NT5C1A: variants seen among roughly 807,000 people sequenced by gnomAD.
The protein encoded by NT5C1A is 5'-nucleotidase, cytosolic IA.
Under a neutral mutation model 31.0 loss-of-function variants are expected in NT5C1A, and 18 were observed. The observed-to-expected ratio is 0.58, with a 90% CI of 0.40 to 0.86. The LOEUF is 0.86. Ranked by LOEUF, NT5C1A falls within the 40% of genes least tolerant of loss-of-function variation. The probability of loss-of-function intolerance (pLI) is 0.00; values close to 1 mark genes in which losing one functional copy is unlikely to be tolerated. For missense variants in NT5C1A, 470 were observed against 505.4 expected (o/e 0.93, Z 0.67); for synonymous variants, 185 against 203.6 (o/e 0.91, Z 0.78).
intron 3 of NT5C1A, among the ~76,000 whole-genome samples, chr1:39,664,192 C>T (rs144218271): frequency 0.03 from 4,590 of 151,346 alleles, 172 homozygotes; most frequent in East Asian, 0.15. Context: ...CTTGCTCTGT[C>T]GCCCAGGCTG....
intron 4 of NT5C1A, 82 bp downstream of exon 4, chr1:39,663,230 C>G: frequency 6.5e-7 from 1 of 1,548,782 alleles, no homozygotes. Context: ...CCAGCACCTG[C>G]TCGGAACTTC....
Position 39,663,366 on chromosome 1 carries a change from T to C in NT5C1A, c.502A>G (p.Thr168Ala). ...GCATCGGCTGACAAGTAGAGGTTGG[T>C]GTGATAGGCCTTGAGGTAGCAGATC... ...SPICYLKAYHTNLYLSADAEK... is the reference protein window; with the variant it reads ...SPICYLKAYHANLYLSADAEK... The change falls in exon 4 of 6, where the codon ACC (threonine) becomes GCC (alanine). Residue 168 changes from threonine to alanine, a missense_variant. Transcript: ENST00000235628. The C allele has an allele frequency of 6.2e-7, 1 of 1,614,076 alleles. No homozygotes were observed.
At chr1:39,669,391 G>C (rs879370761) in intron 1 of NT5C1A, among the ~76,000 whole-genome samples, 3 of 152,206 alleles carry the variant, frequency 2.0e-5, no homozygotes, top group Admixed American at 2.0e-4. Context: ...AGAGGGACAG[G>C]AGAGTTTTGG....
At position 39,653,396 on chromosome 1, in the gene NT5C1A, T is replaced by C. The variant is rs1479345280; in HGVS notation, c.*5725A>G. Among the ~76,000 whole-genome samples the C allele has an allele frequency of 2.6e-5, 4 of 151,446 alleles. No individual in the cohort carries two copies. Among genetic ancestry groups the C allele is most frequent in the East Asian group, 3.9e-4 (2 of 5,162 alleles). ...AGTGAGTACACACACACACACAGAG[T>C]CATTGGCTGAGATATCTGGCCCATT... On this transcript the variant is annotated 3_prime_UTR_variant, in exon 6 of 6. Transcript: ENST00000235628.
At chr1:39,670,344 C>A (rs1180162720) in intron 1 of NT5C1A, among the ~76,000 whole-genome samples, 3 of 152,214 alleles carry the variant, frequency 2.0e-5, no homozygotes, top group East Asian at 3.8e-4. Context: ...AAAGGCCTTA[C>A]AATCTCAAGA....
At chr1:39,663,973 C>T (rs948625250) in intron 3 of NT5C1A, among the ~76,000 whole-genome samples, 6 of 152,144 alleles carry the variant, frequency 3.9e-5, no homozygotes, top group African/African-American at 1.4e-4. Context: ...TGCTTCAGCA[C>T]TATAGGGAGA....
intron 1 of NT5C1A, among the ~76,000 whole-genome samples, chr1:39,668,523 G>A (rs543659479): frequency 5.0e-4 from 76 of 152,254 alleles, no homozygotes; most frequent in African/African-American, 1.8e-3. Flanking sequence ...TTTTCCAGAT[G>A]GGGAAACAGG....
chr1:39,656,986 A>G lies in NT5C1A; in HGVS notation c.*2135T>C, dbSNP rs76446953. 3.4e-3 allele frequency among the ~76,000 whole-genome samples: 521 copies of G among 152,318 alleles called. 2 individuals carry two copies. The highest frequency in any genetic ancestry group is 0.012 in the African/African-American group (496 of 41,554). Reference sequence around the variant, plus strand: ...TAGGCTTGGAGCTCTGGAAGTAGACACAACCCGGGTCTTCTGCCCCAAGGC... The same window carrying G: ...TAGGCTTGGAGCTCTGGAAGTAGACGCAACCCGGGTCTTCTGCCCCAAGGC... On this transcript the variant is annotated 3_prime_UTR_variant, in exon 6 of 6. Coordinates refer to ENST00000235628, the MANE Select transcript of NT5C1A (RefSeq NM_032526.3).
In NT5C1A at chr1:39,653,886, G is replaced by A. The variant is rs1005204366; in HGVS notation, c.*5235C>T. Among the ~76,000 whole-genome samples, 4 of 152,144 alleles carry A rather than the reference G, an allele frequency of 2.6e-5. No homozygotes were observed. Among genetic ancestry groups the A allele is most frequent in the Non-Finnish European group, 5.9e-5 (4 of 68,034 alleles). ...ATATCCTCAGAGGATGAACATTCTG[G>A]GCCTTGCATGCCTCTTGGATAGCAA... On this transcript the variant is annotated 3_prime_UTR_variant, in exon 6 of 6. Transcript: ENST00000235628.
chr1:39,659,441 T>A lies in NT5C1A; in HGVS notation c.787A>T (p.Lys263Ter), dbSNP rs757943483. The A allele has an allele frequency of 1.0e-5, 16 of 1,605,562 alleles. No individual in the cohort carries two copies. The highest frequency in any genetic ancestry group is 1.4e-5 in the Non-Finnish European group (16 of 1,174,726). ...FLEALGRLQKKFYSKGLRLEC... is the reference protein window; with the variant it reads ...FLEALGRLQK ...AGCCGCAGGCCTTTGGAGTAGAACT[T>A]CTTCTGCAACCTACCCAGTGCCTCC... is the stretch of plus-strand genomic sequence containing the variant. Residue 263 changes from lysine to a stop codon, truncating the protein, a stop_gained, in exon 6 of 6, where the codon AAG becomes TAG. Coordinates refer to ENST00000235628, the MANE Select transcript of NT5C1A (RefSeq NM_032526.3). LOFTEE classifies it high-confidence loss of function.
At position 39,653,969 on chromosome 1, in the gene NT5C1A, C is replaced by T. The variant is rs970884703; in HGVS notation, c.*5152G>A. On this transcript the variant is annotated 3_prime_UTR_variant, in exon 6 of 6. Coordinates refer to ENST00000235628, the MANE Select transcript of NT5C1A (RefSeq NM_032526.3). ...TTCATCTTTCACACCAGCTCCAGCCCGCTGGTAGTGGCTGCCTGGAATGCT... is the reference window on the plus strand; with the variant it reads ...TTCATCTTTCACACCAGCTCCAGCCTGCTGGTAGTGGCTGCCTGGAATGCT... 3.9e-5 allele frequency among the ~76,000 whole-genome samples: 6 copies of T among 152,302 alleles called. No homozygotes were observed. Among genetic ancestry groups the T allele is most frequent in the African/African-American group, 9.6e-5 (4 of 41,558 alleles).
At chr1:39,669,909 CT>C (rs1646541597) in intron 1 of NT5C1A, among the ~76,000 whole-genome samples, 3 of 152,154 alleles carry the variant, frequency 2.0e-5, no homozygotes, top group African/African-American at 2.4e-5. Flanking sequence ...AGTTAATCCC[CT>C]GATGAAAAAT....
chr1:39,669,602 C>A (rs1646539994), intron 1 of NT5C1A, among the ~76,000 whole-genome samples: 1 of 152,212 alleles, frequency 6.6e-6, no homozygotes, highest in Admixed American at 6.5e-5. Context: ...CTCCAGGCTT[C>A]TTGCCTCCCA....
chr1:39,663,713 CTGCCAT>C (rs1468968447), intron 3 of NT5C1A, among the ~76,000 whole-genome samples: 1 of 6,224 alleles, frequency 1.6e-4, no homozygotes, highest in African/African-American at 6.0e-3. Flanking sequence ...CTGGCCATAG[CTGCCAT>C]AGCTGATTGG....
chr1:39,670,016 A>G (rs1394253588), intron 1 of NT5C1A, among the ~76,000 whole-genome samples: 1 of 152,244 alleles, frequency 6.6e-6, no homozygotes, highest in Non-Finnish European at 1.5e-5. Context: ...TTCAATATGT[A>G]AGCCAGATAT....
chr1:39,668,098 A>G (rs961656605), intron 1 of NT5C1A, among the ~76,000 whole-genome samples: 4 of 152,178 alleles, frequency 2.6e-5, no homozygotes, highest in African/African-American at 9.7e-5. Flanking sequence ...TTCAACCCAA[A>G]TACCTTTCTC....
rs1396710038 is a variant in NT5C1A at position 39,652,873 on chromosome 1, A to G, written c.*6248T>C. The stretch of plus-strand genomic sequence containing the variant: ...ATTAGAACACTCAAGCAGAGGCAGG[A>G]ATCTTTGCCTAGGTTGGGCAGGGCT... On this transcript the variant is annotated 3_prime_UTR_variant, in exon 6 of 6. Transcript: ENST00000235628. 6.6e-6 allele frequency among the ~76,000 whole-genome samples: 1 copy of G among 152,024 alleles called. No homozygotes were observed. Among genetic ancestry groups the G allele is most frequent in the Non-Finnish European group, 1.5e-5 (1 of 67,980 alleles).
At position 39,670,588 on chromosome 1, in the gene NT5C1A, G is replaced by A. The variant is rs543734418; in HGVS notation, c.135+1316C>T. The stretch of plus-strand genomic sequence containing the variant: ...TGAAACATGGGGCTTGGGGAAGCTA[G>A]TTTGGAAATCCCTGACCCCCTTGAG... On this transcript the variant is annotated intron_variant, in intron 1 of 5. Transcript: ENST00000235628. Among the ~76,000 whole-genome samples, 276 of 152,322 alleles carry A rather than the reference G, an allele frequency of 1.8e-3. 1 individual carries two copies. Among genetic ancestry groups the A allele is most frequent in the African/African-American group, 6.4e-3 (265 of 41,564 alleles).
intron 1 of NT5C1A, among the ~76,000 whole-genome samples, chr1:39,668,894 G>C (rs910157974): frequency 4.6e-5 from 7 of 152,204 alleles, no homozygotes; most frequent in Non-Finnish European, 1.0e-4. Context: ...GGCTGTGTAA[G>C]AAATATGGAT....
Sources: gnomAD v4.1 joint callset for allele counts (sites outside exome capture counted in the v4.1 genomes callset) on GRCh38, gnomAD v4.1.1 for gene constraint, MANE v1.5 for transcripts, NCBI Gene and HGNC (gene_info 2026-07-23, HGNC 2026-07-21) for gene names.